The following CNTN4 variants were observed in gnomAD, a reference collection of about 807,000 sequenced individuals.
CNTN4 encodes the protein contactin-4.
Under a neutral mutation model 122.5 loss-of-function variants are expected in CNTN4, and 77 were observed. The observed-to-expected ratio is 0.63, with a 90% confidence interval of 0.52 to 0.76. The LOEUF (loss-of-function observed/expected upper bound fraction) is 0.76. Among genes scored for constraint, CNTN4 ranks in the 30% least tolerant of loss-of-function variants. The pLI is 0.00. For missense variants in CNTN4, 1,256 were observed against 1,259.1 expected, an observed-to-expected ratio of 1.00 and a Z score of 0.04; for synonymous variants, 512 against 447.0, an observed-to-expected ratio of 1.15 and a Z score of -1.83.
chr3:2,927,172 AT>A (rs2094480716), intron 13 of CNTN4: 1 of 311,868 alleles, frequency 3.2e-6, no homozygotes, highest in Non-Finnish European at 6.4e-6. Flanking sequence ...CATGTCAAAA[AT>A]CATGAATGAA....
chr3:2,859,070 C>G (rs767077578), intron 7 of CNTN4, among the ~76,000 whole-genome samples: 22 of 152,216 alleles, frequency 1.4e-4, no homozygotes, highest in Non-Finnish European at 2.6e-4. Flanking sequence ...TCCCTGCTCC[C>G]CAGCTAGCTT....
intron 2 of CNTN4, among the ~76,000 whole-genome samples, chr3:2,246,236 T>A (rs4685501): frequency 0.5 from 75,461 of 151,806 alleles, 19,511 homozygotes; most frequent in South Asian, 0.64. Flanking sequence ...CCCCAAAATG[T>A]TTAGATTCTG....
At chr3:2,341,136 T>G (rs11706536) in intron 3 of CNTN4, among the ~76,000 whole-genome samples, 19,378 of 152,236 alleles carry the variant, frequency 0.13, 1,532 homozygotes, top group Non-Finnish European at 0.18. Context: ...CCTTGGAATA[T>G]TCTTTCTTTC....
At chr3:2,191,642 C>T (rs1004342559) in intron 2 of CNTN4, among the ~76,000 whole-genome samples, 1 of 151,730 alleles carries the variant, frequency 6.6e-6, no homozygotes, top group Admixed American at 6.6e-5. Context: ...GCCCCAACTG[C>T]CTACAACTGA....
At chr3:2,667,907 T>C (rs1467044299) in intron 4 of CNTN4, among the ~76,000 whole-genome samples, 3 of 152,100 alleles carry the variant, frequency 2.0e-5, no homozygotes, top group Non-Finnish European at 4.4e-5. Flanking sequence ...GTTATAGATA[T>C]GTGGCATTAT....
chr3:3,030,601 G>A (rs1414883563), intron 15 of CNTN4, among the ~76,000 whole-genome samples: 1 of 152,138 alleles, frequency 6.6e-6, no homozygotes, highest in African/African-American at 2.4e-5. Flanking sequence ...ACGTCCTTCC[G>A]ACATGGGTGC....
At chr3:2,517,085 A>G (rs776795338) in intron 3 of CNTN4, among the ~76,000 whole-genome samples, 2 of 152,154 alleles carry the variant, frequency 1.3e-5, no homozygotes, top group African/African-American at 4.8e-5. Context: ...AATATTTTGC[A>G]TAGGTATTGC....
intron 4 of CNTN4, among the ~76,000 whole-genome samples, chr3:2,659,865 A>T (rs1162293843): frequency 1.3e-5 from 2 of 152,230 alleles, no homozygotes; most frequent in East Asian, 3.8e-4. Context: ...ACCCAATAAC[A>T]TGTAAATTTC....
intron 12 of CNTN4, among the ~76,000 whole-genome samples, chr3:2,924,686 A>G (rs1397749127): frequency 6.6e-6 from 1 of 152,238 alleles, no homozygotes; most frequent in Non-Finnish European, 1.5e-5. Context: ...TTAGAACGCT[A>G]GTGGTGAGCA....
At chr3:2,118,547 G>C (rs1375859064) in intron 2 of CNTN4, among the ~76,000 whole-genome samples, 3 of 152,196 alleles carry the variant, frequency 2.0e-5, no homozygotes, top group Non-Finnish European at 2.9e-5. Context: ...AGTTATAGTA[G>C]ATTGGTAATT....
chr3:2,132,528 C>A (rs542226363), intron 2 of CNTN4: 1 of 152,270 alleles, frequency 6.6e-6, no homozygotes, highest in East Asian at 1.9e-4. Context: ...CTTTGACAAT[C>A]CAGAAAGCAA....
chr3:2,296,245 T>C (rs976056429), intron 2 of CNTN4, among the ~76,000 whole-genome samples: 1 of 152,196 alleles, frequency 6.6e-6, no homozygotes, highest in South Asian at 2.1e-4. Flanking sequence ...GGGGATGGCG[T>C]TGAATCTATA....
intron 13 of CNTN4, among the ~76,000 whole-genome samples, chr3:2,941,379 A>G (rs982302213): frequency 6.6e-6 from 1 of 152,064 alleles, no homozygotes; most frequent in East Asian, 1.9e-4. Context: ...TCAGTACAGG[A>G]TTCTCCCCTG....
chr3:2,854,268 C>CTTTTTTTTTTTTTTTTTTTTTTTTTT (rs56147510), intron 7 of CNTN4, among the ~76,000 whole-genome samples: 2 of 90,052 alleles, frequency 2.2e-5, no homozygotes, highest in African/African-American at 4.6e-5. Context: ...CTTTCTTCTT[C>CTTTTTTTTTTTTTTTTTTTTTTTTTT]TTTTTTTTTT....
chr3:2,660,628 G>A (rs1014550957), intron 4 of CNTN4, among the ~76,000 whole-genome samples: 2 of 152,174 alleles, frequency 1.3e-5, no homozygotes, highest in African/African-American at 2.4e-5. Context: ...GAAATTCCAA[G>A]GTCAAATGGA....
intron 10 of CNTN4, among the ~76,000 whole-genome samples, chr3:2,896,853 A>G (rs1465608429): frequency 6.6e-6 from 1 of 151,476 alleles, no homozygotes; most frequent in Non-Finnish European, 1.5e-5. Flanking sequence ...GAGATGATTC[A>G]TCTTCTCCAA....
chr3:2,430,616 C>A (rs867310593), intron 3 of CNTN4, among the ~76,000 whole-genome samples: 329 of 103,090 alleles, frequency 3.2e-3, no homozygotes, highest in Middle Eastern at 6.1e-3. Context: ...AGCAAATTAC[C>A]AAAAAAAAAA....
intron 2 of CNTN4, among the ~76,000 whole-genome samples, chr3:2,237,513 T>G (rs2039730524): frequency 6.6e-6 from 1 of 152,010 alleles, no homozygotes; most frequent in South Asian, 2.1e-4. Context: ...GGAGAAAGGT[T>G]TAGTGTAAAA....
chr3:2,654,037 G>A (rs1053601804), intron 4 of CNTN4, among the ~76,000 whole-genome samples: 1 of 152,176 alleles, frequency 6.6e-6, no homozygotes, highest in Non-Finnish European at 1.5e-5. Context: ...GCCCTTGGTA[G>A]ACAAAACTTA....
Sources: allele counts gnomAD v4.1 joint callset (sites outside exome capture counted in the v4.1 genomes callset), GRCh38; gene constraint gnomAD v4.1.1; transcripts MANE v1.5; gene names NCBI Gene and HGNC (gene_info 2026-07-23, HGNC 2026-07-21).